The following CNTLN variants were observed in gnomAD, a reference collection of about 807,000 sequenced individuals.
CNTLN encodes centlein.
In CNTLN, 212 loss-of-function variants were observed where a neutral mutation model predicts 180.0. The observed-to-expected ratio is 1.18, with a 90% CI of 1.05 to 1.32. CNTLN has a LOEUF of 1.32. Among genes scored for constraint, CNTLN ranks in the 40% most tolerant of loss-of-function variants. The pLI, the probability that CNTLN is intolerant of heterozygous loss-of-function variation, is 0.00. For synonymous variants in CNTLN, 722 were observed against 563.1 expected, an observed-to-expected ratio of 1.28 and a Z score of -3.99; for missense variants, 2,095 against 1,610.9, an observed-to-expected ratio of 1.30 and a Z score of -5.14.
chr9:17,525,794 C>G, the CNTLN span, among the ~76,000 whole-genome samples: 4 of 151,926 alleles, frequency 2.6e-5, no homozygotes, highest in African/African-American at 9.7e-5. Flanking sequence ...CTTTGAAGGC[C>G]TAAACAATTA....
chr9:17,238,386 G>T (rs1018140821), intron 5 of CNTLN, among the ~76,000 whole-genome samples: 1 of 152,142 alleles, frequency 6.6e-6, no homozygotes, highest in African/African-American at 2.4e-5. Context: ...ACCCACGGAA[G>T]CAGCAAGATT....
At chr9:17,506,102 C>T (rs1021376019), downstream of CNTLN, among the ~76,000 whole-genome samples, 14 of 151,218 alleles carry the variant, frequency 9.3e-5, no homozygotes, top group Middle Eastern at 3.4e-3. Context: ...AAATCTTGAC[C>T]TAAACCTCAC....
chr9:17,355,506 T>A (rs999071146), intron 12 of CNTLN, among the ~76,000 whole-genome samples: 1 of 152,256 alleles, frequency 6.6e-6, no homozygotes, highest in Non-Finnish European at 1.5e-5. Context: ...GAATCCATAA[T>A]GAAATCCCAT....
intron 6 of CNTLN, among the ~76,000 whole-genome samples, chr9:17,297,606 G>A (rs540159957): frequency 3.9e-5 from 6 of 152,052 alleles, no homozygotes; most frequent in Admixed American, 3.9e-4. Flanking sequence ...AGGTTCGAAG[G>A]ACTGGATTTT....
chr9:17,271,039 C>T (rs567053170), intron 5 of CNTLN, among the ~76,000 whole-genome samples: 1 of 149,752 alleles, frequency 6.7e-6, no homozygotes, highest in East Asian at 2.0e-4. Flanking sequence ...CAATCTCAGC[C>T]TTCCGGGTTC....
At chr9:17,474,336 T>C (rs1051875047) in intron 23 of CNTLN, among the ~76,000 whole-genome samples, 1 of 152,178 alleles carries the variant, frequency 6.6e-6, no homozygotes, top group Admixed American at 6.5e-5. Flanking sequence ...TCACTAGTCA[T>C]CCAGATGGTT....
chr9:17,220,595 ACT>A lies in CNTLN; in HGVS notation c.450-5603_450-5602del, dbSNP rs1330977562. 2.6e-5 allele frequency among the ~76,000 whole-genome samples: 4 copies of A among 151,806 alleles called. 1 individual carries two copies. The highest frequency in any genetic ancestry group is 9.7e-5 in the African/African-American group (4 of 41,314). ...GATCTTCTACCTCCTCCCACCCTGC[ACT>A]CTCTGATAGGACCCAGTGTGTGTTG... On this transcript the variant is annotated intron_variant, in intron 2 of 25. Transcript: ENST00000380647.
rs528054974 is a variant in CNTLN, at chr9:17,142,305, G to A, written c.361-983G>A. 3.0e-4 allele frequency among the ~76,000 whole-genome samples: 46 copies of A among 151,986 alleles called. No homozygotes were observed. In the South Asian group the frequency reaches 8.5e-3, roughly 28 times the overall value. The stretch of plus-strand genomic sequence containing the variant: ...TTAGTGTTAGTGTATTTTATATATG[G>A]CCTAAGATAATAATTCTTCTTCCAC... On this transcript the variant is annotated intron_variant, in intron 1 of 25. Transcript: ENST00000380647.
chr9:17,343,822 G>T (rs373156012), intron 12 of CNTLN, among the ~76,000 whole-genome samples: 2 of 152,158 alleles, frequency 1.3e-5, no homozygotes, highest in South Asian at 4.2e-4. Flanking sequence ...ATATGACTTT[G>T]TTGTCACTCC....
chr9:17,361,275 T>G (rs534796003), intron 12 of CNTLN, among the ~76,000 whole-genome samples: 2 of 152,150 alleles, frequency 1.3e-5, no homozygotes, highest in Non-Finnish European at 2.9e-5. Context: ...TGTGTTCTCA[T>G]TGTTCATTTA....
At chr9:17,388,340 A>G (rs1825846758) in intron 14 of CNTLN, 87 bp downstream of exon 14, 1 of 828,434 alleles carries the variant, frequency 1.2e-6, no homozygotes, top group Non-Finnish European at 1.9e-6. Flanking sequence ...GGGCTTGTAA[A>G]TGTAAACCTT....
chr9:17,488,099 A>G (rs1434266648), intron 25 of CNTLN, among the ~76,000 whole-genome samples: 3 of 152,158 alleles, frequency 2.0e-5, no homozygotes, highest in African/African-American at 7.2e-5. Context: ...ATTAAATGCA[A>G]TTATTTTACA....
rs531168657 is a variant in CNTLN, at chr9:17,408,297, A to C, written c.2616-996A>C. Among the ~76,000 whole-genome samples, 8 of 152,240 alleles carry C rather than the reference A, an allele frequency of 5.3e-5. No individual in the cohort carries two copies. In the East Asian group the frequency reaches 1.5e-3, roughly 29 times the overall value. Reference sequence around the variant, plus strand: ...ATCCATGTGGGAAAGGGACTTACTTAAATGTTCCACACAACCTCAACACTT... The same window carrying C: ...ATCCATGTGGGAAAGGGACTTACTTCAATGTTCCACACAACCTCAACACTT... On this transcript the variant is annotated intron_variant, in intron 15 of 25. Transcript: ENST00000380647.
Position 17,502,918 on chromosome 9 carries a change from C to G in CNTLN, c.*266C>G, listed in dbSNP as rs534392814. 2.1e-5 allele frequency: 4 copies of G among 189,770 alleles called. No individual in the cohort carries two copies. In the East Asian group the frequency reaches 4.4e-4, roughly 21 times the overall value. The allele number at this position is 189,770 out of a possible 1,614,324, so 11.8% of individuals were successfully genotyped here. A position where few individuals can be genotyped will look rare whatever the true frequency, so the allele number is the denominator to read the frequency against. On this transcript the variant is annotated 3_prime_UTR_variant, in exon 26 of 26. Transcript: ENST00000380647. The stretch of plus-strand genomic sequence containing the variant: ...TGCAAACTTAAAAATGATTTTCCTT[C>G]TAGTGCATTAAAAGAAACTGAGCAG...
chr9:17,192,567 C>T (rs555982885), intron 2 of CNTLN, among the ~76,000 whole-genome samples: 1 of 152,212 alleles, frequency 6.6e-6, no homozygotes, highest in East Asian at 1.9e-4. Flanking sequence ...TTTCATTTAA[C>T]AGATGAAGGA....
At chr9:17,432,509 T>C (rs1428019876) in intron 18 of CNTLN, among the ~76,000 whole-genome samples, 2 of 151,986 alleles carry the variant, frequency 1.3e-5, no homozygotes, top group Non-Finnish European at 2.9e-5. Flanking sequence ...ACAGAAGATA[T>C]ATGAGTTATG....
intron 5 of CNTLN, among the ~76,000 whole-genome samples, chr9:17,248,551 AATTT>A (rs1825942053): frequency 6.8e-6 from 1 of 147,682 alleles, no homozygotes; most frequent in Non-Finnish European, 1.5e-5. Context: ...TATATTTAAT[AATTT>A]ATTATATAAA....
At chr9:17,318,667 G>C (rs1046352593) in intron 8 of CNTLN, among the ~76,000 whole-genome samples, 3 of 152,196 alleles carry the variant, frequency 2.0e-5, no homozygotes, top group Admixed American at 6.5e-5. Flanking sequence ...GCAGTAGGAG[G>C]ACTCTGAAGT....
At chr9:17,527,022 C>T in the CNTLN span, among the ~76,000 whole-genome samples, 421 of 152,154 alleles carry the variant, frequency 2.8e-3, 6 homozygotes, top group East Asian at 0.031. Context: ...GGATTATAGG[C>T]GTGCATCACC....
Sources: allele counts gnomAD v4.1 joint callset (sites outside exome capture counted in the v4.1 genomes callset), GRCh38; gene constraint gnomAD v4.1.1; transcripts MANE v1.5; gene names NCBI Gene and HGNC (gene_info 2026-07-23, HGNC 2026-07-21).